PCSK5: variants seen among roughly 807,000 people sequenced by gnomAD.
PCSK5 encodes the protein prohormone convertase 5.
A neutral mutation model predicts 233.2 loss-of-function variants in PCSK5; 129 were observed. The observed-to-expected ratio is 0.55, with a 90% confidence interval of 0.48 to 0.64. The LOEUF is 0.64. PCSK5 is among the 30% of genes least tolerant of loss of function. The pLI, the probability that PCSK5 is intolerant of heterozygous loss-of-function variation, is 0.00. For synonymous variants in PCSK5, 825 were observed against 879.2 expected (o/e 0.94, Z 1.09); for missense variants, 2,076 against 2,430.1 (o/e 0.85, Z 3.06).
intron 24 of PCSK5, among the ~76,000 whole-genome samples, chr9:76,263,654 G>A (rs1372400459): frequency 6.6e-6 from 1 of 151,926 alleles, no homozygotes; most frequent in Non-Finnish European, 1.5e-5. Flanking sequence ...GGGAGGGATA[G>A]CATTAGGACA....
intron 2 of PCSK5, among the ~76,000 whole-genome samples, chr9:75,933,718 T>C (rs1433132070): frequency 6.6e-6 from 1 of 152,216 alleles, no homozygotes; most frequent in African/African-American, 2.4e-5. Context: ...CCTAATACAT[T>C]TTCATGGTCT....
At chr9:75,936,643 A>G (rs1464470151) in intron 2 of PCSK5, among the ~76,000 whole-genome samples, 1 of 152,194 alleles carries the variant, frequency 6.6e-6, no homozygotes, top group Non-Finnish European at 1.5e-5. Flanking sequence ...TGGTGTTTCT[A>G]TCACATATCA....
chr9:76,144,722 C>T (rs1252421539), intron 10 of PCSK5, among the ~76,000 whole-genome samples: 2 of 152,186 alleles, frequency 1.3e-5, no homozygotes, highest in Non-Finnish European at 2.9e-5. Context: ...AAGTATGCAT[C>T]CAGAGATGGT....
intron 33 of PCSK5, among the ~76,000 whole-genome samples, chr9:76,331,346 A>G (rs1433623631): frequency 6.6e-6 from 1 of 152,126 alleles, no homozygotes; most frequent in Non-Finnish European, 1.5e-5. Context: ...CGTAGACCCA[A>G]TGCCATCACA....
chr9:76,285,896 T>C (rs1042082657), intron 24 of PCSK5, among the ~76,000 whole-genome samples: 6 of 152,214 alleles, frequency 3.9e-5, no homozygotes, highest in African/African-American at 1.4e-4. Flanking sequence ...CATTTCATTT[T>C]CGTCTTTTTT....
At chr9:76,209,639 G>A (rs540310272) in intron 20 of PCSK5, 42 of 450,622 alleles carry the variant, frequency 9.3e-5, no homozygotes, top group Middle Eastern at 3.4e-4. Flanking sequence ...AAAATGTTTC[G>A]ATCACTTCAC....
At chr9:76,105,021 A>G (rs533470369) in intron 8 of PCSK5, among the ~76,000 whole-genome samples, 103 of 152,270 alleles carry the variant, frequency 6.8e-4, no homozygotes, top group African/African-American at 2.2e-3. Flanking sequence ...ACAATCCAGC[A>G]ATTCCTCTTC....
At chr9:76,127,744 CAATA>C (rs1359949512) in intron 9 of PCSK5, among the ~76,000 whole-genome samples, 18 of 152,198 alleles carry the variant, frequency 1.2e-4, no homozygotes, top group African/African-American at 3.9e-4. Flanking sequence ...TTCCTAATCT[CAATA>C]AATCATCATG....
At chr9:75,890,376 T>C (rs1825523438), upstream of PCSK5, among the ~76,000 whole-genome samples, 1 of 152,186 alleles carries the variant, frequency 6.6e-6, no homozygotes, top group Non-Finnish European at 1.5e-5. Flanking sequence ...TGTAAATTTC[T>C]TTAGTCTTTC....
chr9:76,174,650 T>C (rs1229878543), intron 13 of PCSK5, among the ~76,000 whole-genome samples: 1 of 152,104 alleles, frequency 6.6e-6, no homozygotes, highest in African/African-American at 2.4e-5. Context: ...AGCCTTCTAT[T>C]AAGTCCTGGG....
chr9:75,940,907 A>C (rs1824273216), intron 2 of PCSK5, among the ~76,000 whole-genome samples: 1 of 152,244 alleles, frequency 6.6e-6, no homozygotes, highest in South Asian at 2.1e-4. Flanking sequence ...TGAACTTTGG[A>C]GTTAAAGAAC....
chr9:75,925,009 T>C (rs987683601), intron 1 of PCSK5, among the ~76,000 whole-genome samples: 3 of 152,208 alleles, frequency 2.0e-5, no homozygotes, highest in Non-Finnish European at 4.4e-5. Flanking sequence ...GGCTGGCTTG[T>C]ACTCCATAAA....
In PCSK5 at chr9:75,976,447, A is replaced by T. The variant is rs561392307; in HGVS notation, c.298-9685A>T. On this transcript the variant is annotated intron_variant, in intron 2 of 37. Transcript: ENST00000674117. Reference sequence around the variant, plus strand: ...TTTTTTTTCCCCAGAGGACAAATTAAACTTGTCCCAAAGAACAAATTTACT... The same window carrying T: ...TTTTTTTTCCCCAGAGGACAAATTATACTTGTCCCAAAGAACAAATTTACT... Among the ~76,000 whole-genome samples the T allele has an allele frequency of 1.1e-4, 16 of 152,278 alleles. No homozygotes were observed. In the East Asian group the frequency reaches 3.1e-3, roughly 29 times the overall value.
At chr9:75,907,032 C>T (rs763011508) in intron 1 of PCSK5, among the ~76,000 whole-genome samples, 1 of 152,150 alleles carries the variant, frequency 6.6e-6, no homozygotes, top group Admixed American at 6.5e-5. Context: ...ATGCTGAATG[C>T]GCCCTGTCTC....
intron 2 of PCSK5, among the ~76,000 whole-genome samples, chr9:75,940,910 T>A (rs1824273462): frequency 6.6e-6 from 1 of 152,238 alleles, no homozygotes; most frequent in African/African-American, 2.4e-5. Context: ...ACTTTGGAGT[T>A]AAAGAACCTT....
chr9:76,325,644 C>CTTTCTTTTTTTTTTT (rs1230191426), intron 32 of PCSK5, among the ~76,000 whole-genome samples: 2 of 150,370 alleles, frequency 1.3e-5, no homozygotes, highest in Non-Finnish European at 3.0e-5. Flanking sequence ...ATTGCACTTT[C>CTTTCTTTTTTTTTTT]TTTTTTTTGA....
intron 9 of PCSK5, among the ~76,000 whole-genome samples, chr9:76,107,754 A>C (rs1587636790): frequency 6.6e-6 from 1 of 152,244 alleles, no homozygotes; most frequent in Non-Finnish European, 1.5e-5. Flanking sequence ...ACAATAGCAC[A>C]GTCACAGACT....
intron 3 of PCSK5, among the ~76,000 whole-genome samples, chr9:75,988,722 AT>A (rs1826633480): frequency 6.6e-6 from 1 of 152,046 alleles, no homozygotes. Flanking sequence ...GGCCATGAAT[AT>A]TTTTCTAATG....
intron 35 of PCSK5, among the ~76,000 whole-genome samples, chr9:76,340,970 T>C (rs56143467): frequency 0.23 from 34,100 of 151,022 alleles, 3,970 homozygotes; most frequent in Middle Eastern, 0.41. Flanking sequence ...ATCCCACCAC[T>C]ATGGAAGGCT....
Sources: gnomAD v4.1 joint callset for allele counts (sites outside exome capture counted in the v4.1 genomes callset) on GRCh38, gnomAD v4.1.1 for gene constraint, MANE v1.5 for transcripts, NCBI Gene and HGNC (gene_info 2026-07-23, HGNC 2026-07-21) for gene names.